CPM: variants seen among roughly 807,000 people sequenced by gnomAD.
CPM encodes the protein renal carboxypeptidase.
Under a neutral mutation model 46.4 loss-of-function variants are expected in CPM, and 35 were observed. That is an observed-to-expected ratio of 0.75 (90% confidence interval 0.58 to 1.00). The LOEUF is 1.00. Ranked by LOEUF, CPM falls within the 50% of genes least tolerant of loss-of-function variation. The pLI is 0.00. For missense variants in CPM, 422 were observed against 530.4 expected, an observed-to-expected ratio of 0.80 and a Z score of 2.01; for synonymous variants, 195 against 195.3, an observed-to-expected ratio of 1.00 and a Z score of 0.01.
intron 2 of CPM, among the ~76,000 whole-genome samples, chr12:68,917,345 CT>C (rs1184293935): frequency 6.6e-6 from 1 of 152,196 alleles, no homozygotes; most frequent in African/African-American, 2.4e-5. Context: ...TTATTTACCC[CT>C]ATAGTCTCAT....
chr12:68,886,361 GGT>G (rs1400207743), intron 2 of CPM, among the ~76,000 whole-genome samples: 1 of 151,632 alleles, frequency 6.6e-6, no homozygotes, highest in Non-Finnish European at 1.5e-5. Flanking sequence ...GGCCAGGCAC[GGT>G]GGCTCACGCC....
At chr12:68,888,619 TTTTG>T (rs1230593708) in intron 2 of CPM, among the ~76,000 whole-genome samples, 2 of 152,068 alleles carry the variant, frequency 1.3e-5, no homozygotes, top group Admixed American at 6.6e-5. Context: ...CTAAACAAGG[TTTTG>T]TTTTTGTTTT....
At chr12:68,858,839 G>C in intron 8 of CPM, 84 bp downstream of exon 8, 1 of 864,562 alleles carries the variant, frequency 1.2e-6, no homozygotes, top group Non-Finnish European at 1.6e-6. Flanking sequence ...GAACTTCCTA[G>C]ACTTATTTTG....
rs571927268 is a variant in CPM, at chr12:68,853,282, T to C, written c.*3155A>G. 6.6e-6 allele frequency: 1 copy of C among 152,344 alleles called. No individual in the cohort carries two copies. The highest frequency in any genetic ancestry group is 1.9e-4 in the East Asian group (1 of 5,190). 9.4% of individuals were successfully genotyped at this position (152,344 alleles called of 1,614,324 possible). The stretch of plus-strand genomic sequence containing the variant: ...TGATAGCAAATCAAGTTTCATCTTA[T>C]ATACTTTTAATTTGTAATATACCAA... On this transcript the variant is annotated 3_prime_UTR_variant, in exon 9 of 9. Transcript: ENST00000551568.
intron 2 of CPM, among the ~76,000 whole-genome samples, chr12:68,909,933 T>C (rs1387021855): frequency 6.6e-6 from 1 of 151,794 alleles, no homozygotes; most frequent in Non-Finnish European, 1.5e-5. Flanking sequence ...CATGTATACC[T>C]ATGTAACAAA....
At chr12:68,958,810 C>G (rs1413458090) in intron 1 of CPM, among the ~76,000 whole-genome samples, 1 of 152,196 alleles carries the variant, frequency 6.6e-6, no homozygotes, top group Non-Finnish European at 1.5e-5. Context: ...GCTATATGAA[C>G]TATCCCCGCC....
intron 3 of CPM, among the ~76,000 whole-genome samples, chr12:68,874,818 G>A (rs529717294): frequency 1.3e-5 from 2 of 152,140 alleles, no homozygotes; most frequent in Admixed American, 6.6e-5. Context: ...AGAACAGAGA[G>A]GAAGTGATAT....
chr12:68,913,590 C>G (rs3782343), intron 2 of CPM, among the ~76,000 whole-genome samples: 20,278 of 152,066 alleles, frequency 0.13, 1,380 homozygotes, highest in African/African-American at 0.16. Context: ...ACGTGTACAT[C>G]AACTAGATGT....
intron 4 of CPM, 50 bp from the exon 5 acceptor site, chr12:68,870,449 G>A (rs1885644195): frequency 6.6e-7 from 1 of 1,515,544 alleles, no homozygotes; most frequent in African/African-American, 1.4e-5. Context: ...ATGAGGGAGT[G>A]GATTCTTACA....
chr12:68,925,551 G>C (rs1182956760), intron 2 of CPM, among the ~76,000 whole-genome samples: 1 of 152,080 alleles, frequency 6.6e-6, no homozygotes, highest in Non-Finnish European at 1.5e-5. Flanking sequence ...TCTATTGACA[G>C]GACACAAAAC....
At chr12:68,952,672 T>G (rs1180234556) in intron 1 of CPM, among the ~76,000 whole-genome samples, 1 of 152,138 alleles carries the variant, frequency 6.6e-6, no homozygotes, top group Non-Finnish European at 1.5e-5. Context: ...AGAGAAGAGA[T>G]AGAGACTTTC....
intron 1 of CPM, among the ~76,000 whole-genome samples, chr12:68,938,698 T>C (rs929386669): frequency 6.6e-6 from 1 of 151,848 alleles, no homozygotes; most frequent in Non-Finnish European, 1.5e-5. Flanking sequence ...AGTATTCTCA[T>C]ACAAATATAG....
At chr12:68,928,686 G>A (rs1359658906) in intron 2 of CPM, among the ~76,000 whole-genome samples, 4 of 151,726 alleles carry the variant, frequency 2.6e-5, no homozygotes, top group East Asian at 1.9e-4. Context: ...TTATTATCCC[G>A]CCTACTGTAT....
intron 2 of CPM, among the ~76,000 whole-genome samples, chr12:68,904,581 A>G (rs996733731): frequency 6.6e-5 from 10 of 152,236 alleles, no homozygotes; most frequent in African/African-American, 2.4e-4. Flanking sequence ...AGCAATGCTG[A>G]GCAACAGAAT....
chr12:68,930,996 T>C (rs962407465), intron 2 of CPM, among the ~76,000 whole-genome samples: 4 of 152,114 alleles, frequency 2.6e-5, no homozygotes, highest in Admixed American at 2.6e-4. Context: ...ATTGCTCTAC[T>C]CTAGCCCTAG....
chr12:68,869,595 G>T, intron 5 of CPM, 100 bp from the exon 6 acceptor site: 2 of 1,042,202 alleles, frequency 1.9e-6, no homozygotes, highest in Non-Finnish European at 2.8e-6. Context: ...ACACACACAT[G>T]CTCTAATTTC....
intron 1 of CPM, among the ~76,000 whole-genome samples, chr12:68,938,390 C>A (rs546021831): frequency 9.3e-5 from 14 of 150,102 alleles, no homozygotes; most frequent in African/African-American, 3.5e-4. Flanking sequence ...CAGAATGAGA[C>A]TCTGTCTTAA....
intron 3 of CPM, among the ~76,000 whole-genome samples, chr12:68,877,112 A>T (rs1381749127): frequency 4.6e-5 from 7 of 152,170 alleles, no homozygotes; most frequent in Non-Finnish European, 1.0e-4. Context: ...CAGCCTAAAC[A>T]TGACATTTAT....
chr12:68,853,490 C>T lies in CPM; in HGVS notation c.*2947G>A, dbSNP rs1217665269. ...CCTCCAATTTGTTTATATTTATTAA[C>T]ATGTATGATTTTGTGCATGTAGAAT... On this transcript the variant is annotated 3_prime_UTR_variant, in exon 9 of 9. Coordinates refer to ENST00000551568, the MANE Select transcript of CPM (RefSeq NM_198320.5). 2 of 152,028 alleles carry T rather than the reference C, an allele frequency of 1.3e-5. No homozygotes were observed. The highest frequency in any genetic ancestry group is 4.8e-5 in the African/African-American group (2 of 41,386). 9.4% of individuals were successfully genotyped at this position (152,028 alleles called of 1,614,324 possible). A position where few individuals can be genotyped will look rare whatever the true frequency, so the allele number is the denominator to read the frequency against.
Sources: gnomAD v4.1 joint callset for allele counts (sites outside exome capture counted in the v4.1 genomes callset) on GRCh38, gnomAD v4.1.1 for gene constraint, MANE v1.5 for transcripts, NCBI Gene and HGNC (gene_info 2026-07-23, HGNC 2026-07-21) for gene names.